Variants in GFPT1 observed in about 807,000 individuals in gnomAD.
The protein encoded by GFPT1 is glutamine--fructose-6-phosphate aminotransferase [isomerizing] 1.
GFPT1 carries 40 observed loss-of-function variants against 92.0 expected under a neutral mutation model. The observed-to-expected ratio is 0.43, with a 90% CI of 0.34 to 0.57. The LOEUF is 0.57. Ranked by LOEUF, GFPT1 falls within the 20% of genes least tolerant of loss-of-function variation. The pLI is 0.02. For synonymous variants in GFPT1, 269 were observed against 280.6 expected (o/e 0.96, Z 0.41); for missense variants, 448 against 869.1 (o/e 0.52, Z 6.09).
chr2:69,353,611 C>G (rs926135500), intron 9 of GFPT1, among the ~76,000 whole-genome samples: 4 of 151,894 alleles, frequency 2.6e-5, no homozygotes, highest in Non-Finnish European at 5.9e-5. Context: ...GAGGATCCAC[C>G]TGAGCCCAAG....
At chr2:69,368,445 T>G (rs1671662605) in intron 3 of GFPT1, among the ~76,000 whole-genome samples, 1 of 151,872 alleles carries the variant, frequency 6.6e-6, no homozygotes, top group Non-Finnish European at 1.5e-5. Flanking sequence ...ACAAACCAGT[T>G]GGCCAGGCTC....
Position 69,373,714 on chromosome 2 carries a change from A to G in GFPT1, c.115+292T>C, listed in dbSNP as rs187026414. Among the ~76,000 whole-genome samples the G allele has an allele frequency of 4.7e-3, 723 of 152,330 alleles. 11 individuals are homozygous for G. Among genetic ancestry groups the G allele is most frequent in the Admixed American group, 0.012 (179 of 15,306 alleles). On this transcript the variant is annotated intron_variant, in intron 2 of 19. Coordinates refer to ENST00000357308, the MANE Select transcript of GFPT1 (RefSeq NM_001244710.2). ...ATAAAAATTAAAGTTATAGGAAAGAAAAAAGAATTTAGAGTAAGACCTTCA... is the reference window on the plus strand; with the variant it reads ...ATAAAAATTAAAGTTATAGGAAAGAGAAAAGAATTTAGAGTAAGACCTTCA...
Position 69,326,933 on chromosome 2 carries a change from G to A in GFPT1, c.2036C>T (p.Ala679Val). The A allele has an allele frequency of 6.2e-7, 1 of 1,614,200 alleles. No individual in the cohort carries two copies. The highest frequency in any genetic ancestry group is 8.5e-7 in the Non-Finnish European group (1 of 1,180,006). Residue 679 changes from alanine to valine, a missense_variant, in exon 19 of 20, where the codon GCT becomes GTT. Transcript: ENST00000357308. The stretch of plus-strand genomic sequence containing the variant: ...ACTTACATCATAGCCTCTCAGCACA[G>A]CAAGGTGGAAAGCCAGCAACTGTAA... Reference protein sequence around the residue: ...IPLQLLAFHLAVLRGYDVDFP... With the variant: ...IPLQLLAFHLVVLRGYDVDFP...
At chr2:69,363,099 A>G (rs1671516267) in intron 4 of GFPT1, among the ~76,000 whole-genome samples, 1 of 152,038 alleles carries the variant, frequency 6.6e-6, no homozygotes, top group African/African-American at 2.4e-5. Flanking sequence ...TACAAAAATT[A>G]GCCAGGCATG....
At chr2:69,374,847 G>A (rs1457416453) in intron 1 of GFPT1, among the ~76,000 whole-genome samples, 1 of 151,978 alleles carries the variant, frequency 6.6e-6, no homozygotes, top group Non-Finnish European at 1.5e-5. Context: ...TGACATTTAG[G>A]AATAAATGAT....
chr2:69,334,971 G>A (rs1347820873), intron 15 of GFPT1, among the ~76,000 whole-genome samples: 1 of 152,114 alleles, frequency 6.6e-6, no homozygotes, highest in Admixed American at 6.6e-5. Flanking sequence ...TGCTATGGTA[G>A]AAGCTAGATG....
chr2:69,378,485 GAATA>G (rs1558784300), intron 1 of GFPT1, among the ~76,000 whole-genome samples: 1 of 152,138 alleles, frequency 6.6e-6, no homozygotes, highest in African/African-American at 2.4e-5. Flanking sequence ...AATATACTTG[GAATA>G]AAATAACTCC....
At chr2:69,361,309 G>A (rs141704090) in intron 4 of GFPT1, among the ~76,000 whole-genome samples, 59 of 151,892 alleles carry the variant, frequency 3.9e-4, no homozygotes, top group African/African-American at 1.3e-3. Flanking sequence ...ATTGCCAGGC[G>A]TGGTGTCAGG....
At position 69,322,288 on chromosome 2, in the gene GFPT1, A is replaced by G. The variant is rs180852329; in HGVS notation, c.*3901T>C. On this transcript the variant is annotated 3_prime_UTR_variant, in exon 20 of 20. Transcript: ENST00000357308. Reference sequence around the variant, plus strand: ...AATGTGACTATGATCCTTTTCAATAATACTTTCAATGACATTGTGCTTCTT... The same window carrying G: ...AATGTGACTATGATCCTTTTCAATAGTACTTTCAATGACATTGTGCTTCTT... The G allele has an allele frequency of 6.6e-6, 1 of 152,346 alleles. No individual in the cohort carries two copies. The highest frequency in any genetic ancestry group is 2.4e-5 in the African/African-American group (1 of 41,584). 9.4% of individuals were successfully genotyped at this position (152,346 alleles called of 1,614,324 possible).
intron 15 of GFPT1, among the ~76,000 whole-genome samples, chr2:69,332,784 G>A (rs1400665628): frequency 6.6e-6 from 1 of 151,962 alleles, no homozygotes; most frequent in African/African-American, 2.4e-5. Context: ...ATGCTGAGGG[G>A]TGTGTGTGTG....
Position 69,325,915 on chromosome 2 carries a change from C to T in GFPT1, c.*274G>A. On this transcript the variant is annotated 3_prime_UTR_variant, in exon 20 of 20. Coordinates refer to ENST00000357308, the MANE Select transcript of GFPT1 (RefSeq NM_001244710.2). ...AGTGGAGGGTCCAGAAATGCAACAC[C>T]CAGCATTCTTTAAAGAAAATAATAG... The T allele has an allele frequency of 2.7e-6, 1 of 369,848 alleles. No homozygotes were observed. The highest frequency in any genetic ancestry group is 4.9e-6 in the Non-Finnish European group (1 of 204,816). The allele number at this position is 369,848 out of a possible 1,614,324, so 22.9% of individuals were successfully genotyped here.
intron 7 of GFPT1, among the ~76,000 whole-genome samples, chr2:69,356,060 C>T (rs1055166390): frequency 2.1e-5 from 3 of 141,816 alleles, no homozygotes; most frequent in East Asian, 2.1e-4. Flanking sequence ...GGCACGATCT[C>T]GGCTCACTGA....
chr2:69,378,884 A>G (rs1049101684), intron 1 of GFPT1, among the ~76,000 whole-genome samples: 1 of 152,122 alleles, frequency 6.6e-6, no homozygotes, highest in African/African-American at 2.4e-5. Context: ...TCTACCTACA[A>G]TGTCACTTAA....
At chr2:69,364,287 C>G (rs1161763616) in intron 3 of GFPT1, among the ~76,000 whole-genome samples, 1 of 151,848 alleles carries the variant, frequency 6.6e-6, no homozygotes, top group African/African-American at 2.4e-5. Context: ...TCAATAACAA[C>G]CAAAAAACTA....
intron 4 of GFPT1, among the ~76,000 whole-genome samples, chr2:69,362,624 C>T (rs1394130020): frequency 2.0e-5 from 3 of 151,436 alleles, no homozygotes; most frequent in Admixed American, 2.0e-4. Flanking sequence ...AGTGAAATGC[C>T]GTCTCTACTA....
chr2:69,378,420 T>A (rs4078089), intron 1 of GFPT1, among the ~76,000 whole-genome samples: 99,429 of 152,130 alleles, frequency 0.65, 33,761 homozygotes, highest in African/African-American at 0.85. Flanking sequence ...TAAGCATAGA[T>A]TCTCTACCCC....
chr2:69,357,958 G>A (rs1209500119), intron 6 of GFPT1, among the ~76,000 whole-genome samples: 1 of 152,190 alleles, frequency 6.6e-6, no homozygotes. Context: ...TAAGTTATTG[G>A]TTGAGAAGAA....
intron 9 of GFPT1, among the ~76,000 whole-genome samples, chr2:69,351,396 C>G (rs1486918332): frequency 6.6e-6 from 1 of 152,114 alleles, no homozygotes; most frequent in East Asian, 1.9e-4. Flanking sequence ...AAGGCCAGGA[C>G]ATAACAGAAC....
rs1173988127 is a variant in GFPT1, at chr2:69,322,482, T to C, written c.*3707A>G. 1.3e-5 allele frequency: 2 copies of C among 151,636 alleles called. No homozygotes were observed. The highest frequency in any genetic ancestry group is 2.9e-5 in the Non-Finnish European group (2 of 67,886). 9.4% of individuals were successfully genotyped at this position (151,636 alleles called of 1,614,324 possible). On this transcript the variant is annotated 3_prime_UTR_variant, in exon 20 of 20. Transcript: ENST00000357308. ...TCCTTTCTTTGAAGAATAATAGAAA[T>C]AAATGTCAGAGGAGTATTACTAAGG...
Sources: allele counts gnomAD v4.1 joint callset (sites outside exome capture counted in the v4.1 genomes callset), GRCh38; gene constraint gnomAD v4.1.1; transcripts MANE v1.5; gene names NCBI Gene and HGNC (gene_info 2026-07-23, HGNC 2026-07-21).